CFAP52: variants seen among roughly 807,000 people sequenced by gnomAD.
The protein encoded by CFAP52 is cilia- and flagella-associated protein 52.
A neutral mutation model predicts 70.5 loss-of-function variants in CFAP52; 57 were observed. The ratio of observed to expected loss-of-function variants is 0.81; its 90% CI spans 0.65 to 1.01. The LOEUF is 1.01. Ranked by LOEUF, CFAP52 falls within the 50% of genes least tolerant of loss-of-function variation. The pLI, the probability that CFAP52 is intolerant of heterozygous loss-of-function variation, is 0.00. For synonymous variants in CFAP52, 267 were observed against 292.5 expected (o/e 0.91, Z 0.89); for missense variants, 785 against 788.5 (o/e 1.00, Z 0.05).
intron 8 of CFAP52, among the ~76,000 whole-genome samples, chr17:9,622,182 C>G (rs1490097748): frequency 6.6e-6 from 1 of 152,168 alleles, no homozygotes; most frequent in Non-Finnish European, 1.5e-5. Context: ...GTCTCTCTCT[C>G]TCTTTTTAAC....
In CFAP52 at chr17:9,587,808, C is replaced by T. The variant is rs113749938; in HGVS notation, c.407+974C>T. Among the ~76,000 whole-genome samples the T allele has an allele frequency of 9.4e-3, 1,425 of 152,212 alleles. 5 individuals carry two copies. The highest frequency in any genetic ancestry group is 0.017 in the Middle Eastern group (5 of 294). ...CAATATTTGCTTATTTTCTGCAAGG[C>T]GTATTTCCAGAAGTGACAAGGGCCC... is the stretch of plus-strand genomic sequence containing the variant. On this transcript the variant is annotated intron_variant, in intron 3 of 13. Coordinates refer to ENST00000352665, the MANE Select transcript of CFAP52 (RefSeq NM_145054.5).
chr17:9,585,691 A>C, intron 1 of CFAP52, 82 bp from the exon 2 acceptor site: 1 of 1,314,446 alleles, frequency 7.6e-7, no homozygotes, highest in South Asian at 1.2e-5. Flanking sequence ...ACACACACAA[A>C]GTGTTGTGTT....
chr17:9,635,378 C>G, intron 10 of CFAP52, 27 bp from the exon 11 acceptor site: 1 of 1,613,106 alleles, frequency 6.2e-7, no homozygotes, highest in African/African-American at 1.3e-5. Context: ...AAGTGTGGAT[C>G]AAGATCCTGT....
intron 3 of CFAP52, 57 bp downstream of exon 3, chr17:9,586,891 G>A: frequency 7.3e-6 from 11 of 1,508,188 alleles, no homozygotes; most frequent in Non-Finnish European, 9.7e-6. Flanking sequence ...TTTATTTCAG[G>A]TTCAGACGTA....
intron 3 of CFAP52, among the ~76,000 whole-genome samples, chr17:9,591,118 A>G (rs1203537437): frequency 1.4e-5 from 2 of 145,638 alleles, no homozygotes; most frequent in African/African-American, 5.2e-5. Context: ...GCTCACCACA[A>G]CCTCTGCCTC....
At chr17:9,593,836 G>A (rs1260097252) in intron 3 of CFAP52, among the ~76,000 whole-genome samples, 1 of 151,954 alleles carries the variant, frequency 6.6e-6, no homozygotes, top group Non-Finnish European at 1.5e-5. Flanking sequence ...ATGGTGGTGT[G>A]CGTCTGTAGT....
chr17:9,601,897 T>C (rs1384615136), intron 6 of CFAP52, among the ~76,000 whole-genome samples: 1 of 152,254 alleles, frequency 6.6e-6, no homozygotes, highest in Non-Finnish European at 1.5e-5. Context: ...TTAGATACTT[T>C]TCCACATAGC....
Position 9,623,281 on chromosome 17 carries a change from T to C in CFAP52, c.1026-5391T>C, listed in dbSNP as rs991302345. Among the ~76,000 whole-genome samples, 11 of 152,314 alleles carry C rather than the reference T, an allele frequency of 7.2e-5. No homozygotes were observed. The East Asian group carries it at 1.9e-3, about 27-fold the overall frequency. On this transcript the variant is annotated intron_variant, in intron 8 of 13. Coordinates refer to ENST00000352665, the MANE Select transcript of CFAP52 (RefSeq NM_145054.5). ...TTTCTTATGCTTACTCTTAGCATGA[T>C]ATATCTTTTTTAACCCTTTTATTTT...
Position 9,600,110 on chromosome 17 carries a change from G to A in CFAP52, c.680G>A (p.Gly227Glu). Residue 227 changes from glycine to glutamate, a missense_variant, in exon 6 of 14, where the codon GGA (glycine) becomes GAA (glutamate). Transcript: ENST00000352665. ...DSFFYLGTTTGDILKMNPRTK... is the reference protein window; with the variant it reads ...DSFFYLGTTTEDILKMNPRTK... ...TTTTTCTACCTTGGCACCACGACTG[G>A]AGATATTCTAAAAATGAACCCCAGG... The A allele has an allele frequency of 6.2e-7, 1 of 1,613,998 alleles. No homozygotes were observed. Among genetic ancestry groups the A allele is most frequent in the Non-Finnish European group, 8.5e-7 (1 of 1,179,954 alleles).
Position 9,643,191 on chromosome 17 carries a change from C to A in CFAP52, c.1856C>A (p.Thr619Asn). 7 of 1,605,616 alleles carry A rather than the reference C, an allele frequency of 4.4e-6. 1 individual carries two copies. In the South Asian group the frequency reaches 4.5e-5, roughly 10 times the overall value. Residue 619 changes from threonine to asparagine, a missense_variant, in exon 14 of 14, where the codon ACC becomes AAC. Transcript: ENST00000352665. ...GAILRWKYPY[T>N]S is the part of the protein sequence containing the mutation. The stretch of plus-strand genomic sequence containing the variant: ...ATTTTGCGATGGAAGTACCCATATA[C>A]CTCCTGAAGCTGATGAGATGTCTCT...
chr17:9,612,817 A>G (rs1909765657), intron 8 of CFAP52, among the ~76,000 whole-genome samples: 1 of 152,188 alleles, frequency 6.6e-6, no homozygotes, highest in African/African-American at 2.4e-5. Flanking sequence ...TTATTTTATG[A>G]TGGTGTAAAA....
chr17:9,632,876 C>G lies in CFAP52; in HGVS notation c.1175-12C>G. 1 of 1,613,324 alleles carries G rather than the reference C, an allele frequency of 6.2e-7. No homozygotes were observed. The highest frequency in any genetic ancestry group is 2.2e-5 in the East Asian group (1 of 44,850). Reference sequence around the variant, plus strand: ...CTGATCCTGCCTGCCTTTTGTTTCCCTTTCATGCCAGCATGGAACGACGGT... The same window carrying G: ...CTGATCCTGCCTGCCTTTTGTTTCCGTTTCATGCCAGCATGGAACGACGGT... On this transcript the variant is annotated splice_polypyrimidine_tract_variant and intron_variant, in intron 9 of 13. Transcript: ENST00000352665.
In CFAP52 at chr17:9,576,704, C is replaced by T. The variant is rs761836671; in HGVS notation, c.9C>T (p.Asn3=). MD[N]KISPEAQVAE... ...ATCAGAACCTCCCAAGGATGGATAA[C>T]AAAATTTCGCCGGAGGCCCAAGTGG... Residue 3 remains asparagine (N), a synonymous_variant, in exon 1 of 14, where the codon AAC becomes AAT. Coordinates refer to ENST00000352665, the MANE Select transcript of CFAP52 (RefSeq NM_145054.5). 7 of 1,612,172 alleles carry T rather than the reference C, an allele frequency of 4.3e-6. No homozygotes were observed. In the South Asian group the frequency reaches 5.5e-5, roughly 13 times the overall value.
intron 12 of CFAP52, among the ~76,000 whole-genome samples, chr17:9,639,426 C>G (rs1203688236): frequency 1.3e-5 from 2 of 149,596 alleles, no homozygotes; most frequent in African/African-American, 5.0e-5. Context: ...GCAAGACTCT[C>G]TCTTAAAAAA....
chr17:9,605,154 G>C (rs1043922204), intron 6 of CFAP52, among the ~76,000 whole-genome samples: 1 of 152,212 alleles, frequency 6.6e-6, no homozygotes, highest in African/African-American at 2.4e-5. Flanking sequence ...GATGTTTACA[G>C]AAGCTTTATC....
chr17:9,584,057 C>A, intron 1 of CFAP52: 1 of 331,054 alleles, frequency 3.0e-6, no homozygotes, highest in Non-Finnish European at 4.7e-6. Context: ...CATGTGCAGT[C>A]TCAGGTAGGC....
intron 7 of CFAP52, 66 bp from the exon 8 acceptor site, chr17:9,612,243 T>C (rs975108765): frequency 6.4e-7 from 1 of 1,566,708 alleles, no homozygotes; most frequent in African/African-American, 1.3e-5. Flanking sequence ...TCTGCCATGC[T>C]TCACATGATT....
At chr17:9,640,931 G>A (rs900373662) in intron 12 of CFAP52, among the ~76,000 whole-genome samples, 1 of 152,076 alleles carries the variant, frequency 6.6e-6, no homozygotes, top group African/African-American at 2.4e-5. Flanking sequence ...GGTGTGAGCC[G>A]CTGCACCCAG....
chr17:9,576,889 C>A, intron 1 of CFAP52, 124 bp downstream of exon 1: 1 of 1,023,784 alleles, frequency 9.8e-7, no homozygotes, highest in East Asian at 2.9e-5. Context: ...GGAGCCCTGG[C>A]CAGGGACACG....
Sources: gnomAD v4.1 joint callset for allele counts (sites outside exome capture counted in the v4.1 genomes callset) on GRCh38, gnomAD v4.1.1 for gene constraint, MANE v1.5 for transcripts, NCBI Gene and HGNC (gene_info 2026-07-23, HGNC 2026-07-21) for gene names.